CSRP2: variants seen among roughly 807,000 people sequenced by gnomAD.
CSRP2 encodes cysteine and glycine rich protein 2.
A neutral mutation model predicts 24.6 loss-of-function variants in CSRP2; 18 were observed. That is an observed-to-expected ratio of 0.73 (90% confidence interval 0.51 to 1.09). CSRP2 has a LOEUF of 1.09. CSRP2 is among the 50% of genes least tolerant of loss of function. The pLI is 0.00. For synonymous variants in CSRP2, 87 were observed against 84.3 expected, an observed-to-expected ratio of 1.03 and a Z score of -0.18; for missense variants, 215 against 239.4, an observed-to-expected ratio of 0.90 and a Z score of 0.67.
At position 76,871,899 on chromosome 12, in the gene CSRP2, TA is replaced by T. The variant is rs774770134; in HGVS notation, c.-1-5639del. Among the ~76,000 whole-genome samples the T allele has an allele frequency of 3.9e-3, 516 of 132,360 alleles. 1 individual carries two copies. Among genetic ancestry groups the T allele is most frequent in the African/African-American group, 6.5e-3 (235 of 36,022 alleles). 86.8% of individuals were successfully genotyped at this position (132,360 alleles called of 152,430 possible). A position where few individuals can be genotyped will look rare whatever the true frequency, so the allele number is the denominator to read the frequency against. Reference sequence around the variant, plus strand: ...CTGTCACTCTTGGCATTGCTGTGCATAAAAAAAAAAAAAAGCAAGTCTTCAT... The same window carrying T: ...CTGTCACTCTTGGCATTGCTGTGCATAAAAAAAAAAAAAGCAAGTCTTCAT... On this transcript the variant is annotated intron_variant, in intron 1 of 5. Transcript: ENST00000311083.
intron 1 of CSRP2, among the ~76,000 whole-genome samples, chr12:76,867,332 TAAAAAAA>T (rs33997080): frequency 2.0e-5 from 2 of 100,162 alleles, no homozygotes; most frequent in East Asian, 2.8e-4. Flanking sequence ...CTGCTAAATT[TAAAAAAA>T]AAAAAAAAAA....
intron 1 of CSRP2, 125 bp from the exon 2 acceptor site, chr12:76,866,386 C>G (rs1468254728): frequency 1.6e-6 from 1 of 620,934 alleles, no homozygotes; most frequent in Non-Finnish European, 2.9e-6. Flanking sequence ...CCACATCTTT[C>G]AAAGGCCTGC....
intron 5 of CSRP2, 64 bp from the exon 6 acceptor site, chr12:76,859,092 A>ATG: frequency 7.4e-7 from 1 of 1,352,712 alleles, no homozygotes; most frequent in Non-Finnish European, 1.1e-6. Context: ...GCACTGCTTA[A>ATG]GACCCACTCA....
chr12:76,863,556 T>A (rs1953705592), intron 2 of CSRP2: 1 of 468,878 alleles, frequency 2.1e-6, no homozygotes, highest in Non-Finnish European at 3.7e-6. Flanking sequence ...GATATGACAG[T>A]TGCTTCAGAA....
intron 1 of CSRP2, among the ~76,000 whole-genome samples, chr12:76,868,937 GAAAAAA>G (rs980686297): frequency 1.6e-5 from 1 of 61,246 alleles, no homozygotes; most frequent in African/African-American, 5.5e-5. Context: ...CGCCTCAAAA[GAAAAAA>G]AAAAAAAAAA....
At chr12:76,859,751 T>A in intron 4 of CSRP2, 111 bp from the exon 5 acceptor site, 1 of 723,742 alleles carries the variant, frequency 1.4e-6, no homozygotes, top group Non-Finnish European at 2.3e-6. Context: ...AGCTCCTGAC[T>A]TCTGTGGTTC....
At chr12:76,873,557 A>C (rs751953653) in intron 1 of CSRP2, among the ~76,000 whole-genome samples, 2 of 152,198 alleles carry the variant, frequency 1.3e-5, no homozygotes, top group African/African-American at 4.8e-5. Context: ...TCAGTTCAGC[A>C]TAAGGGCAAA....
chr12:76,868,826 A>C (rs1388984184), intron 1 of CSRP2, among the ~76,000 whole-genome samples: 7 of 151,772 alleles, frequency 4.6e-5, no homozygotes, highest in Non-Finnish European at 1.0e-4. Flanking sequence ...CCAGCTACTC[A>C]GGAGGCTGAG....
At chr12:76,866,396 C>T (rs1177339999) in intron 1 of CSRP2, 135 bp from the exon 2 acceptor site, 17 of 595,632 alleles carry the variant, frequency 2.9e-5, no homozygotes, top group Admixed American at 1.3e-4. Flanking sequence ...CAAAGGCCTG[C>T]GTTCCTCCAA....
chr12:76,859,463 T>C lies in CSRP2; in HGVS notation c.505+84A>G, dbSNP rs562263463. ...AAATAGTGGCATACTTTTCTTTTTT[T>C]TTTTTTAATGCCAGTGACATTTCAT... is the stretch of plus-strand genomic sequence containing the variant. On this transcript the variant is annotated intron_variant, in intron 5 of 5. Coordinates refer to ENST00000311083, the MANE Select transcript of CSRP2 (RefSeq NM_001321.3). 6.5e-5 allele frequency: 59 copies of C among 907,574 alleles called. No individual in the cohort carries two copies. In the South Asian group the frequency reaches 9.4e-4, roughly 14 times the overall value. 56.2% of individuals were successfully genotyped at this position (907,574 alleles called of 1,614,324 possible).
At chr12:76,869,723 G>C (rs1259031783) in intron 1 of CSRP2, among the ~76,000 whole-genome samples, 1 of 152,196 alleles carries the variant, frequency 6.6e-6, no homozygotes, top group Non-Finnish European at 1.5e-5. Context: ...TATAGGATCA[G>C]TATCTTGCGA....
chr12:76,870,108 G>A (rs898506175), intron 1 of CSRP2, among the ~76,000 whole-genome samples: 4 of 152,144 alleles, frequency 2.6e-5, no homozygotes, highest in Non-Finnish European at 4.4e-5. Context: ...TGTTGTTGTC[G>A]AGGCATTTCT....
intron 1 of CSRP2, among the ~76,000 whole-genome samples, chr12:76,869,369 A>G (rs1565826223): frequency 6.6e-6 from 1 of 152,148 alleles, no homozygotes; most frequent in African/African-American, 2.4e-5. Context: ...AGGGGACAAA[A>G]ACACTCAAAC....
chr12:76,867,332 TAAAAAAAAAAAA>T (rs33997080), intron 1 of CSRP2, among the ~76,000 whole-genome samples: 4 of 100,160 alleles, frequency 4.0e-5, no homozygotes, highest in Non-Finnish European at 7.7e-5. Context: ...CTGCTAAATT[TAAAAAAAAAAAA>T]AAAAAAAAAA....
At chr12:76,877,970 C>G (rs1036538536) in intron 1 of CSRP2, among the ~76,000 whole-genome samples, 4 of 118,618 alleles carry the variant, frequency 3.4e-5, no homozygotes, top group African/African-American at 1.3e-4. Context: ...CCCCACCCCC[C>G]CACCCCCCAA....
rs778939345 is a variant in CSRP2, at chr12:76,859,043, G to A, written c.506-15C>T. ...TGCATAGCATCCTACAAAGGAAAGG[G>A]AGGAAGGATAGTTAGTGCAAGTCCA... On this transcript the variant is annotated splice_polypyrimidine_tract_variant and intron_variant, in intron 5 of 5. Coordinates refer to ENST00000311083, the MANE Select transcript of CSRP2 (RefSeq NM_001321.3). The A allele has an allele frequency of 1.2e-6, 2 of 1,612,998 alleles. No homozygotes were observed. Among genetic ancestry groups the A allele is most frequent in the South Asian group, 1.1e-5 (1 of 91,054 alleles).
intron 1 of CSRP2, among the ~76,000 whole-genome samples, chr12:76,873,640 T>A (rs141766891): frequency 7.7e-4 from 117 of 152,314 alleles, no homozygotes; most frequent in Middle Eastern, 3.4e-3. Context: ...AGTACCTTTT[T>A]TAGAGAGTTA....
At chr12:76,866,959 A>G (rs2137828957) in intron 1 of CSRP2, among the ~76,000 whole-genome samples, 1 of 152,292 alleles carries the variant, frequency 6.6e-6, no homozygotes, top group African/African-American at 2.4e-5. Flanking sequence ...CCACTAGTGC[A>G]GCCAGCAGTT....
intron 2 of CSRP2, chr12:76,864,513 G>A (rs1953714632): frequency 6.6e-6 from 1 of 152,120 alleles, no homozygotes; most frequent in Non-Finnish European, 1.5e-5. Flanking sequence ...AATGCTTGAG[G>A]TAATGGATAC....
Sources: allele counts gnomAD v4.1 joint callset (sites outside exome capture counted in the v4.1 genomes callset), GRCh38; gene constraint gnomAD v4.1.1; transcripts MANE v1.5; gene names NCBI Gene and HGNC (gene_info 2026-07-23, HGNC 2026-07-21).